Variants in CFAP20DC observed in about 807,000 individuals in gnomAD.
CFAP20DC encodes the protein protein CFAP20DC.
CFAP20DC carries 84 observed loss-of-function variants against 101.7 expected under a neutral mutation model. That is an observed-to-expected ratio of 0.83 (90% CI 0.69 to 0.99). The LOEUF is 0.99. CFAP20DC is among the 50% of genes least tolerant of loss of function. The pLI is 0.00. For synonymous variants in CFAP20DC, 359 were observed against 351.2 expected, an observed-to-expected ratio of 1.02 and a Z score of -0.25; for missense variants, 1,007 against 970.3, an observed-to-expected ratio of 1.04 and a Z score of -0.50.
chr3:58,972,725 AACTC>A lies in CFAP20DC; in HGVS notation c.279-34967_279-34964del, dbSNP rs774078098. Reference sequence around the variant, plus strand: ...AGAGACTGTAATGAGGAGGTAAATTAACTCACTCAGTTCTATACTCAATTTGTAA... The same window carrying A: ...AGAGACTGTAATGAGGAGGTAAATTAACTCAGTTCTATACTCAATTTGTAA... On this transcript the variant is annotated intron_variant, in intron 4 of 16. Transcript: ENST00000482387. 1.8e-3 allele frequency among the ~76,000 whole-genome samples: 278 copies of A among 152,322 alleles called. 1 individual carries two copies. Among genetic ancestry groups the A allele is most frequent in the Non-Finnish European group, 3.4e-3 (229 of 68,014 alleles).
intron 4 of CFAP20DC, among the ~76,000 whole-genome samples, chr3:58,966,616 C>T (rs60885526): frequency 0.02 from 2,981 of 151,274 alleles, 96 homozygotes; most frequent in African/African-American, 0.068. Context: ...CTCAGCCTCC[C>T]GGGTTCAAGC....
intron 4 of CFAP20DC, among the ~76,000 whole-genome samples, chr3:58,991,978 T>C (rs1319157913): frequency 1.3e-5 from 2 of 152,222 alleles, no homozygotes; most frequent in East Asian, 1.9e-4. Context: ...TTACTGCTGC[T>C]AAACACATAG....
At chr3:58,817,897 C>T (rs1397212671) in intron 14 of CFAP20DC, among the ~76,000 whole-genome samples, 6 of 150,728 alleles carry the variant, frequency 4.0e-5, no homozygotes, top group South Asian at 2.1e-4. Context: ...AGAGAAAGGT[C>T]GGGTTACCCT....
intron 3 of CFAP20DC, among the ~76,000 whole-genome samples, chr3:58,720,520 C>T (rs1466193923): frequency 6.6e-6 from 1 of 152,162 alleles, no homozygotes; most frequent in Non-Finnish European, 1.5e-5. Flanking sequence ...TTTTAGTCTG[C>T]TGGGTGGAAC....
At chr3:58,751,996 T>C (rs1383843983) in intron 16 of CFAP20DC, among the ~76,000 whole-genome samples, 3 of 152,264 alleles carry the variant, frequency 2.0e-5, no homozygotes, top group East Asian at 3.9e-4. Flanking sequence ...ACAACCATAC[T>C]TCCCTTCCCC....
intron 16 of CFAP20DC, among the ~76,000 whole-genome samples, chr3:58,750,429 CT>C (rs2068488461): frequency 6.6e-6 from 1 of 152,144 alleles, no homozygotes; most frequent in African/African-American, 2.4e-5. Context: ...CCTCACTAGG[CT>C]ATTGTGAGAA....
chr3:58,891,752 C>CT (rs2082280331), intron 6 of CFAP20DC, among the ~76,000 whole-genome samples: 1 of 152,056 alleles, frequency 6.6e-6, no homozygotes, highest in Admixed American at 6.5e-5. Context: ...CTCCCATTCT[C>CT]TAAGTTGTCT....
chr3:58,796,409 G>C (rs1027526631), intron 15 of CFAP20DC, among the ~76,000 whole-genome samples: 1 of 152,194 alleles, frequency 6.6e-6, no homozygotes. Context: ...CCTTAACTGA[G>C]GCTTTCTCTG....
At chr3:58,886,202 A>G (rs2081611810) in intron 6 of CFAP20DC, among the ~76,000 whole-genome samples, 1 of 152,160 alleles carries the variant, frequency 6.6e-6, no homozygotes, top group Non-Finnish European at 1.5e-5. Flanking sequence ...AAACTCAAGG[A>G]TCTATGCAAA....
chr3:58,980,452 C>T (rs1201301602), intron 4 of CFAP20DC, among the ~76,000 whole-genome samples: 1 of 152,050 alleles, frequency 6.6e-6, no homozygotes, highest in South Asian at 2.1e-4. Flanking sequence ...TGCAAAAATC[C>T]TCAATAAAAT....
chr3:58,759,617 T>C (rs186739095), intron 15 of CFAP20DC, among the ~76,000 whole-genome samples: 2 of 152,328 alleles, frequency 1.3e-5, no homozygotes, highest in East Asian at 3.9e-4. Context: ...CCCATGCCTA[T>C]GTCCTGGATG....
At chr3:58,839,619 T>C (rs879286632) in intron 13 of CFAP20DC, among the ~76,000 whole-genome samples, 1 of 152,190 alleles carries the variant, frequency 6.6e-6, no homozygotes, top group Non-Finnish European at 1.5e-5. Flanking sequence ...ATGTCTTCAA[T>C]AAACATTTGA....
At chr3:58,796,762 G>A (rs573679105) in intron 15 of CFAP20DC, among the ~76,000 whole-genome samples, 1 of 152,286 alleles carries the variant, frequency 6.6e-6, no homozygotes, top group Non-Finnish European at 1.5e-5. Context: ...ACCCTGTGTT[G>A]AGCGAGTTTA....
At chr3:58,758,783 C>A (rs533892886) in intron 15 of CFAP20DC, among the ~76,000 whole-genome samples, 1 of 151,952 alleles carries the variant, frequency 6.6e-6, no homozygotes, top group Non-Finnish European at 1.5e-5. Context: ...GGAGAACATG[C>A]GGTGTTTGGT....
chr3:59,049,323 G>A (rs748615518), intron 1 of CFAP20DC, among the ~76,000 whole-genome samples: 7 of 152,206 alleles, frequency 4.6e-5, no homozygotes, highest in Non-Finnish European at 8.8e-5. Context: ...TCTGATTCAG[G>A]AGGTTTCAGT....
Position 58,808,417 on chromosome 3 carries a change from C to A in CFAP20DC, c.2176-1961G>T, listed in dbSNP as rs541257898. Among the ~76,000 whole-genome samples the A allele has an allele frequency of 2.3e-3, 353 of 152,312 alleles. 3 individuals are homozygous for A. Among genetic ancestry groups the A allele is most frequent in the Non-Finnish European group, 4.0e-3 (273 of 68,026 alleles). ...AGAGTGGGGACCAATATTCAACATT[C>A]TTAAAGAAAAGAATTTTCAACCCAG... On this transcript the variant is annotated intron_variant, in intron 14 of 16. Transcript: ENST00000482387.
chr3:58,739,906 GATA>G (rs1221539450), downstream of CFAP20DC, among the ~76,000 whole-genome samples: 1 of 152,142 alleles, frequency 6.6e-6, no homozygotes, highest in African/African-American at 2.4e-5. Context: ...ATAAAAAGGG[GATA>G]ATAAGACCTT....
chr3:58,863,364 G>A lies in CFAP20DC; in HGVS notation c.1593+194C>T, dbSNP rs1346364685. The stretch of plus-strand genomic sequence containing the variant: ...TAAGTAAAAGTGAAATTGGCTGACT[G>A]TTAATTAAAAAAAAAAAAAGACAGT... On this transcript the variant is annotated intron_variant, in intron 12 of 16. Coordinates refer to ENST00000482387, the MANE Select transcript of CFAP20DC (RefSeq NM_001394063.1). This position sits in a 1 kb window ranked among gnomAD's most constrained non-coding sequence, Gnocchi z 5.9. The A allele has an allele frequency of 7.1e-7, 1 of 1,406,240 alleles. No homozygotes were observed. The highest frequency in any genetic ancestry group is 1.5e-5 in the African/African-American group (1 of 68,504). 87.1% of individuals were successfully genotyped at this position (1,406,240 alleles called of 1,614,324 possible).
intron 4 of CFAP20DC, among the ~76,000 whole-genome samples, chr3:59,037,340 A>C (rs2094122559): frequency 6.6e-6 from 1 of 152,102 alleles, no homozygotes; most frequent in Non-Finnish European, 1.5e-5. Flanking sequence ...CAGAGTGAAC[A>C]GGCAACCTAC....
Sources: gnomAD v4.1 joint callset for allele counts (sites outside exome capture counted in the v4.1 genomes callset) on GRCh38, gnomAD v4.1.1 for gene constraint, Gnocchi (gnomAD v3.1) non-coding constraint, MANE v1.5 for transcripts, NCBI Gene and HGNC (gene_info 2026-07-23, HGNC 2026-07-21) for gene names.